The following CRACD variants were observed in gnomAD, a reference collection of about 807,000 sequenced individuals.
CRACD encodes the protein capping protein-inhibiting regulator of actin dynamics.
Under a neutral mutation model 106.8 loss-of-function variants are expected in CRACD, and 56 were observed. That is an observed-to-expected ratio of 0.52 (90% CI 0.42 to 0.66). The LOEUF (loss-of-function observed/expected upper bound fraction) is 0.66. Ranked by LOEUF, CRACD falls within the 30% of genes least tolerant of loss-of-function variation. CRACD has a pLI of 0.00. For synonymous variants in CRACD, 754 were observed against 670.8 expected (o/e 1.12, Z -1.92); for missense variants, 1,730 against 1,623.2 (o/e 1.07, Z -1.13).
chr4:56,102,743 C>T lies in CRACD; in HGVS notation c.-336+53444C>T, dbSNP rs57695112. On this transcript the variant is annotated intron_variant, in intron 1 of 10. Transcript: ENST00000682029. Reference sequence around the variant, plus strand: ...GCTGTTTAACATCGTCTGCTGGATTCGACCCCTCCTGCTCTTCACACTCTG... The same window carrying T: ...GCTGTTTAACATCGTCTGCTGGATTTGACCCCTCCTGCTCTTCACACTCTG... 2.1e-3 allele frequency among the ~76,000 whole-genome samples: 326 copies of T among 152,284 alleles called. 1 individual carries two copies. The highest frequency in any genetic ancestry group is 6.8e-3 in the Middle Eastern group (2 of 294).
At chr4:56,312,532 A>G (rs1227726377) in intron 6 of CRACD, among the ~76,000 whole-genome samples, 1 of 152,076 alleles carries the variant, frequency 6.6e-6, no homozygotes, top group Non-Finnish European at 1.5e-5. Flanking sequence ...ATTTTCCTTT[A>G]TTCCTTCAAC....
At chr4:56,163,667 T>C (rs1736037113) in intron 1 of CRACD, among the ~76,000 whole-genome samples, 1 of 152,190 alleles carries the variant, frequency 6.6e-6, no homozygotes, top group Non-Finnish European at 1.5e-5. Context: ...TCAGGAACAC[T>C]GTGGTATGCA....
chr4:56,309,040 A>G (rs1744951747), intron 5 of CRACD: 4 of 501,992 alleles, frequency 8.0e-6, no homozygotes, highest in Non-Finnish European at 1.1e-5. Flanking sequence ...GTCAACCAGT[A>G]TATAAATAGA....
chr4:56,297,178 G>A (rs1744103725), intron 3 of CRACD, among the ~76,000 whole-genome samples: 1 of 152,048 alleles, frequency 6.6e-6, no homozygotes, highest in African/African-American at 2.4e-5. Context: ...CCAGACCTCA[G>A]GTGATCTGCC....
intron 2 of CRACD, among the ~76,000 whole-genome samples, chr4:56,253,413 T>C (rs1249908193): frequency 6.6e-6 from 1 of 152,208 alleles, no homozygotes; most frequent in African/African-American, 2.4e-5. Flanking sequence ...GATAGTTCAG[T>C]CACCTCATTT....
chr4:56,145,061 T>G (rs1225263439), intron 1 of CRACD, among the ~76,000 whole-genome samples: 1 of 152,204 alleles, frequency 6.6e-6, no homozygotes, highest in Non-Finnish European at 1.5e-5. Flanking sequence ...GTGCTGAGAT[T>G]ACAAGTGTGA....
At chr4:56,239,663 C>A (rs1480782284) in intron 2 of CRACD, among the ~76,000 whole-genome samples, 1 of 152,096 alleles carries the variant, frequency 6.6e-6, no homozygotes. Context: ...ACCTTAAAAA[C>A]AAGTGTCTAA....
At chr4:56,216,894 G>A (rs1738717131) in intron 2 of CRACD, among the ~76,000 whole-genome samples, 1 of 150,292 alleles carries the variant, frequency 6.7e-6, no homozygotes, top group Non-Finnish European at 1.5e-5. Context: ...GCAGGAGAAT[G>A]GCGTGAACCC....
At chr4:56,152,013 C>CTTTT (rs562674319) in intron 1 of CRACD, among the ~76,000 whole-genome samples, 3 of 137,820 alleles carry the variant, frequency 2.2e-5, no homozygotes, top group African/African-American at 5.4e-5. Flanking sequence ...ATAGTTTTTT[C>CTTTT]TTTTTTTTTT....
intron 1 of CRACD, among the ~76,000 whole-genome samples, chr4:56,129,607 G>C (rs1463882758): frequency 1.3e-5 from 2 of 152,178 alleles, no homozygotes; most frequent in Non-Finnish European, 2.9e-5. Context: ...CTAGGTGATG[G>C]TCACCTGTCC....
At chr4:56,274,278 A>G (rs1742538778) in intron 3 of CRACD, among the ~76,000 whole-genome samples, 2 of 152,244 alleles carry the variant, frequency 1.3e-5, no homozygotes, top group Non-Finnish European at 2.9e-5. Context: ...TTTTGGCCTC[A>G]CGGTATCAGG....
intron 1 of CRACD, among the ~76,000 whole-genome samples, chr4:56,174,987 T>A (rs1469538347): frequency 6.6e-6 from 1 of 152,076 alleles, no homozygotes; most frequent in Non-Finnish European, 1.5e-5. Flanking sequence ...AACTATCAGA[T>A]CTTGTGAGAA....
At chr4:56,051,797 C>T (rs1183787973) in intron 1 of CRACD, among the ~76,000 whole-genome samples, 1 of 152,178 alleles carries the variant, frequency 6.6e-6, no homozygotes, top group Non-Finnish European at 1.5e-5. Context: ...TGGTTAAATA[C>T]ACAAGTTCTC....
chr4:56,324,029 C>T (rs1746273674), intron 9 of CRACD, 75 bp from the exon 10 acceptor site: 12 of 1,496,904 alleles, frequency 8.0e-6, no homozygotes, highest in East Asian at 6.9e-5. Context: ...GCAGAGGCCC[C>T]GAAGGCCTGC....
intron 3 of CRACD, among the ~76,000 whole-genome samples, chr4:56,292,080 G>T (rs1743730208): frequency 1.3e-5 from 2 of 152,224 alleles, no homozygotes; most frequent in Non-Finnish European, 2.9e-5. Context: ...GGCTGATGCG[G>T]TCTCAGATGG....
At chr4:56,117,017 A>ATTTTTTTT (rs751420774) in intron 1 of CRACD, among the ~76,000 whole-genome samples, 2 of 96,258 alleles carry the variant, frequency 2.1e-5, no homozygotes, top group Non-Finnish European at 2.2e-5. Context: ...CGAATTTTTA[A>ATTTTTTTT]TTTTTTTTTT....
intron 3 of CRACD, among the ~76,000 whole-genome samples, chr4:56,281,152 G>T (rs750152206): frequency 1.1e-4 from 16 of 152,142 alleles, no homozygotes; most frequent in Admixed American, 3.3e-4. Context: ...CGCACAGCAG[G>T]GGGTAAGTGG....
chr4:56,126,381 G>A (rs950945631), intron 1 of CRACD, among the ~76,000 whole-genome samples: 4 of 152,144 alleles, frequency 2.6e-5, no homozygotes, highest in African/African-American at 7.2e-5. Flanking sequence ...TGGAATGCAC[G>A]TATCAGGCCC....
intron 1 of CRACD, among the ~76,000 whole-genome samples, chr4:56,142,747 T>C (rs1735249091): frequency 1.3e-5 from 2 of 152,128 alleles, no homozygotes; most frequent in Non-Finnish European, 2.9e-5. Flanking sequence ...TATCTTAATT[T>C]TTCCCAAATG....
Sources: gnomAD v4.1 joint callset for allele counts (sites outside exome capture counted in the v4.1 genomes callset) on GRCh38, gnomAD v4.1.1 for gene constraint, MANE v1.5 for transcripts, NCBI Gene and HGNC (gene_info 2026-07-23, HGNC 2026-07-21) for gene names.